DIAPH2: variants seen among roughly 807,000 people sequenced by gnomAD.
DIAPH2 encodes the protein protein diaphanous homolog 2.
DIAPH2 carries 35 observed loss-of-function variants against 92.7 expected under a neutral mutation model. That is an observed-to-expected ratio of 0.38 (90% CI 0.29 to 0.50). The LOEUF (loss-of-function observed/expected upper bound fraction) is 0.50, where lower values mean the gene tolerates loss of function less well. DIAPH2 is among the 20% of genes least tolerant of loss of function. The probability of loss-of-function intolerance (pLI) is 0.94; values close to 1 mark genes in which losing one functional copy is unlikely to be tolerated. For missense variants in DIAPH2, 701 were observed against 819.5 expected (o/e 0.86, Z 1.77); for synonymous variants, 301 against 280.4 (o/e 1.07, Z -0.73).
intron 26 of DIAPH2, among the ~76,000 whole-genome samples, chrX:97,456,303 C>T (rs1345609118): frequency 9.1e-6 from 1 of 109,594 alleles, no homozygotes; most frequent in Admixed American, 9.8e-5. Context: ...AGGAGAGTGG[C>T]GTGAACCTGG....
chrX:96,776,454 G>A (rs1246862631), intron 4 of DIAPH2, among the ~76,000 whole-genome samples: 1 of 110,307 alleles, frequency 9.1e-6, no homozygotes. Context: ...CAAGTGATCC[G>A]CCTGCCTTGG....
intron 24 of DIAPH2, among the ~76,000 whole-genome samples, chrX:97,371,392 G>A (rs780262791): frequency 9.0e-6 from 1 of 111,341 alleles, no homozygotes; most frequent in Non-Finnish European, 1.9e-5. Flanking sequence ...CTGGGGACAA[G>A]CTACACCTCC....
chrX:96,916,349 T>C lies in DIAPH2; in HGVS notation c.733-89T>C, dbSNP rs901443356. ...TAGAACCTCATTGTGGGGGTATGGG[T>C]TTTTGGAAGATCATTGTACGTTGCT... is the stretch of plus-strand genomic sequence containing the variant. On this transcript the variant is annotated intron_variant, in intron 7 of 26. Transcript: ENST00000324765. 3.4e-6 allele frequency: 3 copies of C among 871,950 alleles called. No individual in the cohort carries two copies. In the East Asian group the frequency reaches 1.1e-4, roughly 33 times the overall value. The allele number at this position is 871,950 out of a possible 1,213,427, so 71.9% of individuals were successfully genotyped here. A position where few individuals can be genotyped will look rare whatever the true frequency, so the allele number is the denominator to read the frequency against.
rs1308527601 is a variant in DIAPH2 at position 97,247,732 on chromosome X, A to G, written c.2737A>G (p.Lys913Glu). Residue 913 changes from lysine (K) to glutamate (E), a missense_variant, in exon 23 of 27, where the codon AAG becomes GAG. By Grantham distance (56) the Lys-to-Glu change is moderately conservative. Coordinates refer to ENST00000324765, the MANE Select transcript of DIAPH2 (RefSeq NM_006729.5). ...SASKVSAQIL[K>E]SNLASMEQQI... ...TTCTTTAGTTTCAGCTCAAATTCTC[A>G]AGAGCAACCTTGCATCAATGGAACA... 1 of 1,202,677 alleles carries G rather than the reference A, an allele frequency of 8.3e-7. No homozygotes were observed.
chrX:96,779,999 C>T lies in DIAPH2; in HGVS notation c.447+21741C>T, dbSNP rs1418272067. On this transcript the variant is annotated intron_variant, in intron 4 of 26. Coordinates refer to ENST00000324765, the MANE Select transcript of DIAPH2 (RefSeq NM_006729.5). ...GACCAGATGAATTCATTTTTGTGTA[C>T]ACCCCAGAATGTAGTTTATCTTTGC... 3.6e-5 allele frequency among the ~76,000 whole-genome samples: 4 copies of T among 112,016 alleles called. No homozygotes were observed. The South Asian group carries it at 1.1e-3, about 31-fold the overall frequency.
At chrX:96,831,891 A>G (rs768505873) in intron 4 of DIAPH2, among the ~76,000 whole-genome samples, 1 of 111,337 alleles carries the variant, frequency 9.0e-6, no homozygotes, top group African/African-American at 3.3e-5. Flanking sequence ...AAGGAAGTAG[A>G]ATATTCAGAG....
chrX:97,240,228 T>C (rs1380789313), intron 22 of DIAPH2, among the ~76,000 whole-genome samples: 1 of 111,329 alleles, frequency 9.0e-6, no homozygotes, highest in East Asian at 2.8e-4. Context: ...GTTAGTGTAA[T>C]TGTCACTAGT....
Position 96,970,005 on chromosome X carries a change from T to G in DIAPH2, c.2050+4798T>G, listed in dbSNP as rs764638237. On this transcript the variant is annotated intron_variant, in intron 17 of 26. Transcript: ENST00000324765. ...CATATGGTTTTTGTTTTTAATTCTG[T>G]TTATGTGATGAATCACACTTATTTA... Among the ~76,000 whole-genome samples the G allele has an allele frequency of 1.1e-3, 129 of 112,486 alleles. 1 individual carries two copies. Among genetic ancestry groups the G allele is most frequent in the Middle Eastern group, 4.6e-3 (1 of 218 alleles).
At chrX:97,595,195 A>T (rs1252306251) in intron 26 of DIAPH2, among the ~76,000 whole-genome samples, 2 of 112,430 alleles carry the variant, frequency 1.8e-5, no homozygotes, top group African/African-American at 3.2e-5. Context: ...TTAGGTGTGG[A>T]TCTGAAACTT....
At chrX:97,355,689 G>T (rs1174683992) in intron 24 of DIAPH2, among the ~76,000 whole-genome samples, 1 of 111,047 alleles carries the variant, frequency 9.0e-6, no homozygotes, top group Non-Finnish European at 1.9e-5. Context: ...CTTCATTTAT[G>T]AATTCAGAGG....
chrX:96,699,152 C>G (rs750853873), intron 1 of DIAPH2, among the ~76,000 whole-genome samples: 49 of 111,987 alleles, frequency 4.4e-4, no homozygotes, highest in African/African-American at 1.4e-3. Flanking sequence ...AGAGACATAA[C>G]TGGGAAAGCT....
rs756306507 is a variant in DIAPH2, at chrX:96,918,836, C to T, written c.978+219C>T. On this transcript the variant is annotated intron_variant, in intron 9 of 26. Coordinates refer to ENST00000324765, the MANE Select transcript of DIAPH2 (RefSeq NM_006729.5). ...GTTATGGCTGTCATTGATATTTAGA[C>T]AAGAATTTAGTAATTAATGTAATAA... Among the ~76,000 whole-genome samples the T allele has an allele frequency of 2.7e-5, 3 of 111,775 alleles. No homozygotes were observed. The East Asian group carries it at 8.4e-4, about 31-fold the overall frequency.
At chrX:97,220,849 G>A (rs2067918996) in intron 22 of DIAPH2, among the ~76,000 whole-genome samples, 1 of 111,719 alleles carries the variant, frequency 9.0e-6, no homozygotes, top group Non-Finnish European at 1.9e-5. Flanking sequence ...GTGTTTGTGC[G>A]TGTGTTGTAA....
At chrX:97,012,781 A>C (rs2066235985) in intron 17 of DIAPH2, among the ~76,000 whole-genome samples, 1 of 112,307 alleles carries the variant, frequency 8.9e-6, no homozygotes, top group Admixed American at 9.5e-5. Context: ...TAGAAAATTT[A>C]ACATTTATTG....
chrX:96,717,816 GTATATATATA>G (rs61272505), intron 1 of DIAPH2, among the ~76,000 whole-genome samples: 6,347 of 36,332 alleles, frequency 0.17, 487 homozygotes, highest in East Asian at 0.25. Flanking sequence ...TGGGTATATA[GTATATATATA>G]TATATATATA....
intron 26 of DIAPH2, among the ~76,000 whole-genome samples, chrX:97,443,750 T>C (rs966759465): frequency 1.8e-5 from 2 of 112,133 alleles, no homozygotes; most frequent in African/African-American, 6.5e-5. Flanking sequence ...TGTAACTGTA[T>C]GCCATTATTC....
At chrX:96,711,245 A>C (rs1465058316) in intron 1 of DIAPH2, among the ~76,000 whole-genome samples, 1 of 111,568 alleles carries the variant, frequency 9.0e-6, no homozygotes, top group African/African-American at 3.3e-5. Context: ...TCTTTAAGGA[A>C]TCTCCATACT....
chrX:97,315,942 C>G (rs1478952515), intron 23 of DIAPH2, among the ~76,000 whole-genome samples: 1 of 111,630 alleles, frequency 9.0e-6, no homozygotes, highest in African/African-American at 3.3e-5. Flanking sequence ...ATTTTAAAAC[C>G]TTGAGAAAAG....
intron 4 of DIAPH2, among the ~76,000 whole-genome samples, chrX:96,809,324 TAA>T (rs772520530): frequency 4.8e-4 from 47 of 97,905 alleles, no homozygotes; most frequent in African/African-American, 1.7e-3. Flanking sequence ...TGGCGGTCTT[TAA>T]AAAAAAAATG....
Sources: gnomAD v4.1 joint callset for allele counts (sites outside exome capture counted in the v4.1 genomes callset) on GRCh38, gnomAD v4.1.1 for gene constraint, MANE v1.5 for transcripts, NCBI Gene and HGNC (gene_info 2026-07-23, HGNC 2026-07-21) for gene names.